Variants in WSCD1 observed in about 807,000 individuals in gnomAD.
WSCD1 encodes the protein WSC domain sialate O sulfotransferase 1.
WSCD1 carries 41 observed loss-of-function variants against 60.4 expected under a neutral mutation model. That is an observed-to-expected ratio of 0.68 (90% CI 0.53 to 0.88). The LOEUF (loss-of-function observed/expected upper bound fraction) is 0.88, where lower values mean the gene tolerates loss of function less well. WSCD1 is among the 40% of genes least tolerant of loss of function. WSCD1 has a pLI of 0.00. For missense variants in WSCD1, 784 were observed against 796.2 expected (o/e 0.98, Z 0.18); for synonymous variants, 361 against 332.5 (o/e 1.09, Z -0.93).
chr17:6,099,317 C>T (rs1226037142), intron 5 of WSCD1, among the ~76,000 whole-genome samples: 2 of 151,962 alleles, frequency 1.3e-5, no homozygotes, highest in Non-Finnish European at 2.9e-5. Context: ...GAGATTGTGA[C>T]CATCCTGGCC....
chr17:6,118,051 G>A lies in WSCD1; in HGVS notation c.1238G>A (p.Ser413Asn). The change falls in exon 8 of 9, where the codon AGT becomes AAT. Residue 413 changes from serine to asparagine, a missense_variant. Physicochemically the swap from Ser to Asn is conservative, Grantham distance 46 (BLOSUM62 1). Coordinates refer to ENST00000317744, the MANE Select transcript of WSCD1 (RefSeq NM_015253.2). The surrounding 1 kb of genome is among the most constrained non-coding windows in gnomAD (Gnocchi z 5.8). Reference sequence around the variant, plus strand: ...ACCATCTGTGTCAAAACCCACGAGAGTGGCAGGAGGGAGATTGAGATGTTT... The same window carrying A: ...ACCATCTGTGTCAAAACCCACGAGAATGGCAGGAGGGAGATTGAGATGTTT... ...RRTICVKTHE[S>N]GRREIEMFDS... is the part of the protein sequence containing the mutation. 6.2e-7 allele frequency: 1 copy of A among 1,614,226 alleles called. No individual in the cohort carries two copies. The highest frequency in any genetic ancestry group is 2.2e-5 in the East Asian group (1 of 44,882).
In WSCD1 at chr17:6,075,929, C is replaced by T. The variant is rs1302190561; in HGVS notation, c.-288-4442C>T. Among the ~76,000 whole-genome samples the T allele has an allele frequency of 2.6e-5, 4 of 152,068 alleles. No homozygotes were observed. The highest frequency in any genetic ancestry group is 9.7e-5 in the African/African-American group (4 of 41,316). On this transcript the variant is annotated intron_variant, in intron 1 of 8. Transcript: ENST00000317744. The surrounding 1 kb of genome is among the most constrained non-coding windows in gnomAD (Gnocchi z 4.1). ...CCCAGTGGGCTGGGGCGGGAACACT[C>T]ACGGACAAGGCACTGTCTGGAAGGC...
At chr17:6,074,602 C>A (rs1908734252) in intron 1 of WSCD1, among the ~76,000 whole-genome samples, 1 of 152,250 alleles carries the variant, frequency 6.6e-6, no homozygotes, top group African/African-American at 2.4e-5. Context: ...TAGTGCCTAG[C>A]ACTGAGGAGT....
rs1176092272 is a variant in WSCD1, at chr17:6,083,797, T to TAATAAA, written c.427+2723_427+2728dup. On this transcript the variant is annotated intron_variant, in intron 2 of 8. Coordinates refer to ENST00000317744, the MANE Select transcript of WSCD1 (RefSeq NM_015253.2). ...CTGTCTCAAAAAATATATATAATAA[T>TAATAAA]AATAAAAATAAAAATAGAAGTGACC... Among the ~76,000 whole-genome samples the TAATAAA allele has an allele frequency of 2.0e-5, 3 of 151,802 alleles. No homozygotes were observed. The East Asian group carries it at 5.8e-4, about 29-fold the overall frequency.
chr17:6,102,668 A>G (rs1041508825), intron 5 of WSCD1, among the ~76,000 whole-genome samples: 2 of 152,230 alleles, frequency 1.3e-5, no homozygotes, highest in African/African-American at 4.8e-5. Flanking sequence ...GTGTATCTCT[A>G]CGTAATTTGT....
At chr17:6,087,574 G>A (rs9893229) in intron 2 of WSCD1, among the ~76,000 whole-genome samples, 4,081 of 152,290 alleles carry the variant, frequency 0.027, 176 homozygotes, top group African/African-American at 0.091. Flanking sequence ...CCCCAAGGAG[G>A]CAACGACCCT....
In WSCD1 at chr17:6,118,205, C is replaced by T. The variant is rs371850027; in HGVS notation, c.1375+17C>T. ...AGAGCAAAGGTAATCAAGGACCTTG[C>T]GGTGGGGGTGGGAGGCTTGTCAGTA... On this transcript the variant is annotated intron_variant, in intron 8 of 8. Coordinates refer to ENST00000317744, the MANE Select transcript of WSCD1 (RefSeq NM_015253.2). The surrounding 1 kb of genome is among the most constrained non-coding windows in gnomAD (Gnocchi z 5.8). The T allele has an allele frequency of 2.3e-5, 37 of 1,611,814 alleles. No individual in the cohort carries two copies. The East Asian group carries it at 3.1e-4, about 14-fold the overall frequency.
At chr17:6,106,084 C>T (rs1006129213) in intron 5 of WSCD1, among the ~76,000 whole-genome samples, 5 of 152,204 alleles carry the variant, frequency 3.3e-5, no homozygotes, top group Admixed American at 3.3e-4. Context: ...GAGCATCTGC[C>T]ATGTGCAAGG....
intron 5 of WSCD1, among the ~76,000 whole-genome samples, chr17:6,098,441 A>G (rs1881899474): frequency 6.6e-6 from 1 of 152,220 alleles, no homozygotes; most frequent in Non-Finnish European, 1.5e-5. Context: ...GTCTTGTGCT[A>G]TCACACATTA....
Position 6,110,894 on chromosome 17 carries a change from A to G in WSCD1, c.1133A>G (p.Tyr378Cys), listed in dbSNP as rs1911370700. 4 of 1,613,038 alleles carry G rather than the reference A, an allele frequency of 2.5e-6. No individual in the cohort carries two copies. The highest frequency in any genetic ancestry group is 3.4e-6 in the Non-Finnish European group (4 of 1,179,112). ...RHLIEHATGF[Y>C]TGSYYFDGTL... ...CTCATTGAGCATGCCACTGGCTTCT[A>G]TACAGGGAGCTACTACTTTGATGGA... Residue 378 changes from tyrosine to cysteine, a missense_variant, in exon 7 of 9, where the codon TAT becomes TGT. Coordinates refer to ENST00000317744, the MANE Select transcript of WSCD1 (RefSeq NM_015253.2). This position sits in a 1 kb window ranked among gnomAD's most constrained non-coding sequence, Gnocchi z 4.8.
intron 4 of WSCD1, among the ~76,000 whole-genome samples, chr17:6,091,073 T>C (rs151017450): frequency 0.026 from 3,918 of 152,180 alleles, 169 homozygotes; most frequent in African/African-American, 0.088. Flanking sequence ...TTTGTATTTT[T>C]AGTAGAGACG....
chr17:6,118,299 A>T lies in WSCD1; in HGVS notation c.1375+111A>T, dbSNP rs561025043. 8.5e-7 allele frequency: 1 copy of T among 1,181,492 alleles called. No individual in the cohort carries two copies. Among genetic ancestry groups the T allele is most frequent in the African/African-American group, 1.5e-5 (1 of 66,422 alleles). 73.2% of individuals were successfully genotyped at this position (1,181,492 alleles called of 1,614,324 possible). The stretch of plus-strand genomic sequence containing the variant: ...AGGCACTGCAGGATGCAGGATCAGT[A>T]TACACAGGTAGGCACTCAAACCCCA... On this transcript the variant is annotated intron_variant, in intron 8 of 8. Transcript: ENST00000317744. This position sits in a 1 kb window ranked among gnomAD's most constrained non-coding sequence, Gnocchi z 5.8.
intron 4 of WSCD1, among the ~76,000 whole-genome samples, chr17:6,094,550 AAGAAG>A (rs2150549632): frequency 7.8e-6 from 1 of 128,748 alleles, no homozygotes; most frequent in Non-Finnish European, 1.7e-5. Context: ...GGAAGGAAGA[AAGAAG>A]GAAGGAAGGA....
rs182368549 is a variant in WSCD1, at chr17:6,110,214, G to A, written c.1009+448G>A. Among the ~76,000 whole-genome samples the A allele has an allele frequency of 3.1e-3, 472 of 152,214 alleles. 2 individuals carry two copies. Among genetic ancestry groups the A allele is most frequent in the African/African-American group, 0.011 (437 of 41,536 alleles). ...TTAGGAACTGATGAAAGGAAGAGCCGGGGACGAGGGATGTTACCACCTTTA... is the reference window on the plus strand; with the variant it reads ...TTAGGAACTGATGAAAGGAAGAGCCAGGGACGAGGGATGTTACCACCTTTA... On this transcript the variant is annotated intron_variant, in intron 6 of 8. Transcript: ENST00000317744. The surrounding 1 kb of genome is among the most constrained non-coding windows in gnomAD (Gnocchi z 4.8).
In WSCD1 at chr17:6,120,685, C is replaced by T; in HGVS notation, c.*24C>T. 3 of 1,585,596 alleles carry T rather than the reference C, an allele frequency of 1.9e-6. No individual in the cohort carries two copies. Among genetic ancestry groups the T allele is most frequent in the South Asian group, 1.1e-5 (1 of 87,140 alleles). On this transcript the variant is annotated 3_prime_UTR_variant, in exon 9 of 9. Coordinates refer to ENST00000317744, the MANE Select transcript of WSCD1 (RefSeq NM_015253.2). ...GATAGGCCTGGCCCACGCCGCCGCC[C>T]CCGCTGAGTGACGCAATCGCACCAC...
At chr17:6,104,079 C>T (rs1567558359) in intron 5 of WSCD1, among the ~76,000 whole-genome samples, 1 of 152,140 alleles carries the variant, frequency 6.6e-6, no homozygotes, top group Non-Finnish European at 1.5e-5. Context: ...CCTCAGGAAG[C>T]TTCCAATCAT....
intron 8 of WSCD1, among the ~76,000 whole-genome samples, chr17:6,119,139 C>T (rs1417798695): frequency 6.6e-6 from 1 of 152,166 alleles, no homozygotes; most frequent in Non-Finnish European, 1.5e-5. Flanking sequence ...CTCCCAAATC[C>T]CCCATCCCTA....
At position 6,110,580 on chromosome 17, in the gene WSCD1, GGCT is replaced by G. The variant is rs1276199526; in HGVS notation, c.1010-190_1010-188del. On this transcript the variant is annotated intron_variant, in intron 6 of 8. Transcript: ENST00000317744. The surrounding 1 kb of genome is among the most constrained non-coding windows in gnomAD (Gnocchi z 4.8). ...TGCAGTATTGCAGGCCTCATTACGGGGCTTTCTCGGACTGGCCACAGACCTGTG... is the reference window on the plus strand; with the variant it reads ...TGCAGTATTGCAGGCCTCATTACGGGTTCTCGGACTGGCCACAGACCTGTG... 6.6e-6 allele frequency among the ~76,000 whole-genome samples: 1 copy of G among 152,100 alleles called. No homozygotes were observed. The highest frequency in any genetic ancestry group is 2.4e-5 in the African/African-American group (1 of 41,392).
chr17:6,100,569 G>A (rs1178930175), intron 5 of WSCD1, among the ~76,000 whole-genome samples: 3 of 152,232 alleles, frequency 2.0e-5, no homozygotes, highest in Non-Finnish European at 2.9e-5. Context: ...GCAGATGCCT[G>A]GCAGGGGTTT....
Sources: allele counts gnomAD v4.1 joint callset (sites outside exome capture counted in the v4.1 genomes callset), GRCh38; gene constraint gnomAD v4.1.1; non-coding constraint Gnocchi (gnomAD v3.1); transcripts MANE v1.5; gene names NCBI Gene and HGNC (gene_info 2026-07-23, HGNC 2026-07-21).